GRM7: variants seen among roughly 807,000 people sequenced by gnomAD.
The protein encoded by GRM7 is metabotropic glutamate receptor 7.
GRM7 carries 35 observed loss-of-function variants against 84.5 expected under a neutral mutation model. The observed-to-expected ratio is 0.41, with a 90% confidence interval of 0.32 to 0.55. The LOEUF (loss-of-function observed/expected upper bound fraction) is 0.55, where lower values mean the gene tolerates loss of function less well. GRM7 is among the 20% of genes least tolerant of loss of function. The pLI is 0.19. For missense variants in GRM7, 1,003 were observed against 1,194.6 expected, an observed-to-expected ratio of 0.84 and a Z score of 2.36; for synonymous variants, 487 against 455.1, an observed-to-expected ratio of 1.07 and a Z score of -0.89.
intron 4 of GRM7, among the ~76,000 whole-genome samples, chr3:7,318,692 G>A (rs749243318): frequency 2.0e-5 from 3 of 152,142 alleles, no homozygotes; most frequent in Non-Finnish European, 2.9e-5. Context: ...GATATTAGGT[G>A]TGTGCTGTAG....
intron 2 of GRM7, among the ~76,000 whole-genome samples, chr3:7,248,402 C>A (rs1228581899): frequency 6.6e-6 from 1 of 152,060 alleles, no homozygotes; most frequent in East Asian, 1.9e-4. Flanking sequence ...CTATGACCTT[C>A]TTGAGCAGCT....
At chr3:7,503,771 T>C (rs143825273) in intron 7 of GRM7, among the ~76,000 whole-genome samples, 1 of 152,294 alleles carries the variant, frequency 6.6e-6, no homozygotes, top group African/African-American at 2.4e-5. Flanking sequence ...ACTTAACCAA[T>C]AACTCCAATT....
chr3:7,461,469 A>C, intron 6 of GRM7, 114 bp from the exon 7 acceptor site: 1 of 799,758 alleles, frequency 1.3e-6, no homozygotes, highest in South Asian at 1.7e-5. Context: ...ATTAAAGGGG[A>C]TATCTAGTAA....
At chr3:7,513,822 A>G (rs1700289176) in intron 7 of GRM7, among the ~76,000 whole-genome samples, 1 of 152,226 alleles carries the variant, frequency 6.6e-6, no homozygotes, top group Admixed American at 6.5e-5. Context: ...TGATCACTTC[A>G]CTATGTTTTC....
chr3:7,244,925 A>T (rs974534704), intron 2 of GRM7, among the ~76,000 whole-genome samples: 85 of 152,198 alleles, frequency 5.6e-4, no homozygotes, highest in Middle Eastern at 3.4e-3. Flanking sequence ...ACTTACAGGG[A>T]AAGAAAGTAT....
intron 8 of GRM7, among the ~76,000 whole-genome samples, chr3:7,637,674 C>T (rs9816982): frequency 0.44 from 66,265 of 152,096 alleles, 14,627 homozygotes; most frequent in East Asian, 0.61. Flanking sequence ...CCTGCGGACA[C>T]GCTCATGGCA....
chr3:6,928,385 TG>T lies in GRM7; in HGVS notation c.519+66479del, dbSNP rs1697386576. Among the ~76,000 whole-genome samples the T allele has an allele frequency of 6.6e-6, 1 of 152,174 alleles. No individual in the cohort carries two copies. Among genetic ancestry groups the T allele is most frequent in the African/African-American group, 2.4e-5 (1 of 41,458 alleles). On this transcript the variant is annotated intron_variant, in intron 1 of 9. Coordinates refer to ENST00000357716, the MANE Select transcript of GRM7 (RefSeq NM_000844.4). The surrounding 1 kb of genome is among the most constrained non-coding windows in gnomAD (Gnocchi z 4.5). ...GAAGGTGGCAATGTTACTCACACAGTGAATTTGCATTGATATTCGATATAGG... is the reference window on the plus strand; with the variant it reads ...GAAGGTGGCAATGTTACTCACACAGTAATTTGCATTGATATTCGATATAGG...
intron 1 of GRM7, among the ~76,000 whole-genome samples, chr3:6,868,375 G>A (rs146835487): frequency 6.6e-6 from 1 of 152,144 alleles, no homozygotes; most frequent in Non-Finnish European, 1.5e-5. Flanking sequence ...TTGCTTAAGC[G>A]TATCTATTTA....
At chr3:7,203,438 G>T (rs1465048055) in intron 2 of GRM7, among the ~76,000 whole-genome samples, 1 of 152,020 alleles carries the variant, frequency 6.6e-6, no homozygotes, top group Non-Finnish European at 1.5e-5. Flanking sequence ...ACGTGTGTTT[G>T]TGTGTGTATA....
At chr3:7,240,123 T>TTTTTTTG (rs1553635889) in intron 2 of GRM7, among the ~76,000 whole-genome samples, 15 of 131,776 alleles carry the variant, frequency 1.1e-4, no homozygotes, top group South Asian at 7.6e-4. Flanking sequence ...ATGTGAGGTT[T>TTTTTTTG]TTTTTTTTTT....
chr3:7,135,215 G>A (rs1283966327), intron 1 of GRM7, among the ~76,000 whole-genome samples: 2 of 152,210 alleles, frequency 1.3e-5, no homozygotes, highest in African/African-American at 4.8e-5. Flanking sequence ...TCCTATGTGA[G>A]CAGAGATGAT....
intron 2 of GRM7, among the ~76,000 whole-genome samples, chr3:7,209,919 A>G (rs1478274049): frequency 1.3e-5 from 2 of 152,200 alleles, no homozygotes; most frequent in South Asian, 2.1e-4. Flanking sequence ...TCTCAAGTAC[A>G]AGGGGAGAGG....
At chr3:7,365,774 A>G (rs1166536656) in intron 4 of GRM7, among the ~76,000 whole-genome samples, 2 of 150,758 alleles carry the variant, frequency 1.3e-5, no homozygotes, top group South Asian at 2.1e-4. Flanking sequence ...CTCTTTCACA[A>G]TATTTTATAG....
At chr3:6,895,784 A>C (rs1041815571) in intron 1 of GRM7, among the ~76,000 whole-genome samples, 13 of 152,212 alleles carry the variant, frequency 8.5e-5, no homozygotes, top group East Asian at 7.7e-4. Context: ...TAAGTTATCC[A>C]CATAATATTT....
intron 5 of GRM7, among the ~76,000 whole-genome samples, chr3:7,432,311 A>G (rs963731025): frequency 7.9e-5 from 12 of 152,200 alleles, no homozygotes; most frequent in African/African-American, 2.7e-4. Context: ...AAACCAAGGC[A>G]TCTAGTTGTT....
intron 1 of GRM7, among the ~76,000 whole-genome samples, chr3:7,107,169 A>T (rs1161476014): frequency 2.6e-5 from 4 of 152,032 alleles, no homozygotes; most frequent in South Asian, 2.1e-4. Context: ...ACTCATCAGG[A>T]TAGAGATACT....
intron 1 of GRM7, among the ~76,000 whole-genome samples, chr3:6,950,824 C>T (rs79761157): frequency 0.066 from 10,074 of 152,224 alleles, 469 homozygotes; most frequent in African/African-American, 0.12. Context: ...TAGCAGTGAG[C>T]GAGGCTCCAT....
intron 1 of GRM7, among the ~76,000 whole-genome samples, chr3:6,945,732 C>G (rs1227605264): frequency 6.6e-6 from 1 of 152,128 alleles, no homozygotes; most frequent in Non-Finnish European, 1.5e-5. Flanking sequence ...CTGTTGTTTC[C>G]TGACTTTTTA....
intron 8 of GRM7, among the ~76,000 whole-genome samples, chr3:7,613,976 A>AAATTTTTTATTTTTATTTT (rs1189442705): frequency 6.6e-6 from 1 of 152,124 alleles, no homozygotes; most frequent in Non-Finnish European, 1.5e-5. Flanking sequence ...TAAAAATAAA[A>AAATTTTTTATTTTTATTTT]ATGTCAGCTG....
Sources: gnomAD v4.1 joint callset for allele counts (sites outside exome capture counted in the v4.1 genomes callset) on GRCh38, gnomAD v4.1.1 for gene constraint, Gnocchi (gnomAD v3.1) non-coding constraint, MANE v1.5 for transcripts, NCBI Gene and HGNC (gene_info 2026-07-23, HGNC 2026-07-21) for gene names.